MRPS9: variants seen among roughly 807,000 people sequenced by gnomAD.
The protein encoded by MRPS9 is mitochondrial ribosomal protein S9.
MRPS9 carries 45 observed loss-of-function variants against 59.9 expected under a neutral mutation model. The ratio of observed to expected loss-of-function variants is 0.75; its 90% CI spans 0.59 to 0.96. MRPS9 has a LOEUF of 0.96. Among genes scored for constraint, MRPS9 ranks in the 40% least tolerant of loss-of-function variants. MRPS9 has a pLI of 0.00. For missense variants in MRPS9, 473 were observed against 481.1 expected, an observed-to-expected ratio of 0.98 and a Z score of 0.16; for synonymous variants, 171 against 166.8, an observed-to-expected ratio of 1.03 and a Z score of -0.19.
At chr2:105,085,408 A>G (rs1680427717) in intron 5 of MRPS9, among the ~76,000 whole-genome samples, 1 of 152,162 alleles carries the variant, frequency 6.6e-6, no homozygotes, top group Admixed American at 6.5e-5. Context: ...GATAATTACT[A>G]TTAGTTACTA....
chr2:105,099,655 CTT>C lies in MRPS9; in HGVS notation c.1100-11_1100-10del. The C allele has an allele frequency of 6.2e-7, 1 of 1,612,778 alleles. No individual in the cohort carries two copies. Among genetic ancestry groups the C allele is most frequent in the Non-Finnish European group, 8.5e-7 (1 of 1,179,360 alleles). Reference sequence around the variant, plus strand: ...ATATTAATGGTTCCTAAAGGCTTCTCTTTTTATGCTGCAGCTGGACTACTTAC... The same window carrying C: ...ATATTAATGGTTCCTAAAGGCTTCTCTTTATGCTGCAGCTGGACTACTTAC... On this transcript the variant is annotated splice_polypyrimidine_tract_variant and intron_variant, in intron 10 of 10. Coordinates refer to ENST00000258455, the MANE Select transcript of MRPS9 (RefSeq NM_182640.3).
intron 2 of MRPS9, among the ~76,000 whole-genome samples, chr2:105,061,124 AAAAAAAAAAAAAGTT>A (rs1338523942): frequency 6.6e-6 from 1 of 151,434 alleles, no homozygotes; most frequent in Non-Finnish European, 1.5e-5. Flanking sequence ...AAAAAAAAAA[AAAAAAAAAAAAAGTT>A]AAATATTGTA....
intron 2 of MRPS9, among the ~76,000 whole-genome samples, chr2:105,062,567 ATG>A (rs1161585749): frequency 6.6e-6 from 1 of 152,196 alleles, no homozygotes; most frequent in African/African-American, 2.4e-5. Context: ...AACAATAGAT[ATG>A]TGTTTGTTAA....
At chr2:105,083,216 A>G (rs1365681822) in intron 5 of MRPS9, among the ~76,000 whole-genome samples, 1 of 152,252 alleles carries the variant, frequency 6.6e-6, no homozygotes, top group Non-Finnish European at 1.5e-5. Context: ...TAAAGAGGAT[A>G]TAGATGGCTG....
chr2:105,074,704 T>C (rs538981742), intron 4 of MRPS9, among the ~76,000 whole-genome samples: 2 of 152,312 alleles, frequency 1.3e-5, no homozygotes, highest in African/African-American at 4.8e-5. Flanking sequence ...GCCCAGGCAG[T>C]TGTGGCACAC....
At position 105,078,141 on chromosome 2, in the gene MRPS9, C is replaced by CTTTTTTTTT. The variant is rs11421327; in HGVS notation, c.410-1832_410-1824dup. 1.4e-3 allele frequency among the ~76,000 whole-genome samples: 182 copies of CTTTTTTTTT among 127,076 alleles called. 2 individuals carry two copies. Among genetic ancestry groups the CTTTTTTTTT allele is most frequent in the African/African-American group, 5.2e-3 (173 of 33,306 alleles). The allele number at this position is 127,076 out of a possible 152,430, so 83.4% of individuals were successfully genotyped here. Reference sequence around the variant, plus strand: ...GTGCCTTATTCAGTTAATTCTAAGACTTTTTTTTTTTTTTTTTTCAAATTT... The same window carrying CTTTTTTTTT: ...GTGCCTTATTCAGTTAATTCTAAGACTTTTTTTTTTTTTTTTTTTTTTTTTTTCAAATTT... On this transcript the variant is annotated intron_variant, in intron 4 of 10. Transcript: ENST00000258455.
chr2:105,042,359 G>A (rs976460329), intron 1 of MRPS9, among the ~76,000 whole-genome samples: 5 of 152,224 alleles, frequency 3.3e-5, no homozygotes, highest in East Asian at 3.8e-4. Flanking sequence ...CCCTCCCTCA[G>A]CTCCTGCCAC....
At chr2:105,075,200 A>T (rs111577140) in intron 4 of MRPS9, among the ~76,000 whole-genome samples, 1,582 of 152,176 alleles carry the variant, frequency 0.01, 24 homozygotes, top group African/African-American at 0.037. Context: ...CTCAGGCGGT[A>T]ATGTGAGCAA....
In MRPS9 at chr2:105,038,238, GGAAGACTGGAA is replaced by G; in HGVS notation, c.135+13_135+23del. The G allele has an allele frequency of 6.2e-7, 1 of 1,606,942 alleles. No homozygotes were observed. Among genetic ancestry groups the G allele is most frequent in the Non-Finnish European group, 8.5e-7 (1 of 1,176,632 alleles). ...AATGTCAGATCCCAGGTAAGGCCTG[GGAAGACTGGAA>G]GCGGCTTACCTCTGCCGCGCGAGGA... On this transcript the variant is annotated intron_variant, in intron 1 of 10. Transcript: ENST00000258455.
Position 105,049,201 on chromosome 2 carries a change from A to G in MRPS9, c.166A>G (p.Ile56Val). The G allele has an allele frequency of 1.9e-6, 3 of 1,609,966 alleles. No homozygotes were observed. Among genetic ancestry groups the G allele is most frequent in the Non-Finnish European group, 1.7e-6 (2 of 1,178,360 alleles). ...AAGGCTAAGACATACTGCATTTGTA[A>G]TACCAAAGAAAAACGTTCCTACCTC... Reference protein sequence around the residue: ...ILRLRHTAFVIPKKNVPTSKR... With the variant: ...ILRLRHTAFVVPKKNVPTSKR... The change falls in exon 2 of 11, where the codon ATA becomes GTA. Residue 56 changes from isoleucine to valine, a missense_variant. Transcript: ENST00000258455.
chr2:105,087,773 GTCCC>G (rs201025039), intron 5 of MRPS9, among the ~76,000 whole-genome samples: 32,393 of 132,338 alleles, frequency 0.24, 3,634 homozygotes, highest in Middle Eastern at 0.37. Context: ...TCTGTACTTC[GTCCC>G]TCCCTCCCTC....
chr2:105,094,567 A>G (rs959004697), intron 9 of MRPS9, among the ~76,000 whole-genome samples: 2 of 152,206 alleles, frequency 1.3e-5, no homozygotes, highest in Non-Finnish European at 2.9e-5. Flanking sequence ...GGACCCTCCT[A>G]ATACAGTGTA....
At chr2:105,094,492 G>A (rs185281938) in intron 9 of MRPS9, among the ~76,000 whole-genome samples, 128 of 152,248 alleles carry the variant, frequency 8.4e-4, no homozygotes, top group African/African-American at 3.0e-3. Context: ...TCCTGCATGT[G>A]TTACGGTATT....
At position 105,038,229 on chromosome 2, in the gene MRPS9, T is replaced by C. The variant is rs1474367714; in HGVS notation, c.135+2T>C. On this transcript the variant is annotated splice_donor_variant, in intron 1 of 10. Transcript: ENST00000258455. LOFTEE classifies it high-confidence loss of function. ...TTGCAAACAAATGTCAGATCCCAGG[T>C]AAGGCCTGGGAAGACTGGAAGCGGC... 9 of 1,609,772 alleles carry C rather than the reference T, an allele frequency of 5.6e-6. No individual in the cohort carries two copies. The highest frequency in any genetic ancestry group is 2.7e-5 in the African/African-American group (2 of 74,820).
intron 4 of MRPS9, among the ~76,000 whole-genome samples, chr2:105,078,749 G>A (rs1680266195): frequency 6.6e-6 from 1 of 152,180 alleles, no homozygotes; most frequent in African/African-American, 2.4e-5. Flanking sequence ...AAAAACTGTA[G>A]AGAGATAATG....
intron 2 of MRPS9, among the ~76,000 whole-genome samples, chr2:105,058,876 C>T (rs542274845): frequency 6.4e-4 from 98 of 152,108 alleles, no homozygotes; most frequent in African/African-American, 2.2e-3. Flanking sequence ...GACAGGGTTT[C>T]ACCATGTTGG....
At chr2:105,064,178 G>C (rs899532095) in intron 2 of MRPS9, among the ~76,000 whole-genome samples, 1 of 152,188 alleles carries the variant, frequency 6.6e-6, no homozygotes, top group Non-Finnish European at 1.5e-5. Context: ...ATGAGCAGAG[G>C]TGTGTTTAGG....
chr2:105,070,453 A>C (rs1476465136), intron 2 of MRPS9, among the ~76,000 whole-genome samples: 1 of 152,172 alleles, frequency 6.6e-6, no homozygotes, highest in Non-Finnish European at 1.5e-5. Context: ...TAGGCAGAGA[A>C]GGCCCACTCA....
chr2:105,078,315 A>AGTGTGT (rs71250682), intron 4 of MRPS9, among the ~76,000 whole-genome samples: 7,117 of 147,396 alleles, frequency 0.048, 384 homozygotes, highest in East Asian at 0.23. Flanking sequence ...GGTGAAGTCA[A>AGTGTGT]GTGTGTGTGT....
Sources: allele counts gnomAD v4.1 joint callset (sites outside exome capture counted in the v4.1 genomes callset), GRCh38; gene constraint gnomAD v4.1.1; transcripts MANE v1.5; gene names NCBI Gene and HGNC (gene_info 2026-07-23, HGNC 2026-07-21).